Variants in BTNL3 observed in about 807,000 individuals in gnomAD.
The protein encoded by BTNL3 is butyrophilin like 3, also known as butyrophilin-like protein 3.
BTNL3 carries 20 observed loss-of-function variants against 40.1 expected under a neutral mutation model. The observed-to-expected ratio is 0.50, with a 90% CI of 0.35 to 0.72. The LOEUF is 0.72. BTNL3 is among the 30% of genes least tolerant of loss of function. The pLI, the probability that BTNL3 is intolerant of heterozygous loss-of-function variation, is 0.01. For synonymous variants in BTNL3, 179 were observed against 222.1 expected (o/e 0.81, Z 1.73); for missense variants, 449 against 582.2 (o/e 0.77, Z 2.35).
chr5:180,996,775 T>C (rs184718925), intron 2 of BTNL3, among the ~76,000 whole-genome samples: 1 of 136,996 alleles, frequency 7.3e-6, no homozygotes, highest in East Asian at 2.2e-4. Context: ...TGCCTTTCCC[T>C]GACAGTTAAG....
intron 2 of BTNL3, 28 bp from the exon 3 acceptor site, chr5:180,997,185 C>A: frequency 6.8e-7 from 1 of 1,462,974 alleles, no homozygotes; most frequent in Non-Finnish European, 9.4e-7. Flanking sequence ...TTGGTCTTTG[C>A]TTTCATCTTT....
In BTNL3 at chr5:180,988,974, T is replaced by A; in HGVS notation, c.-55T>A. The A allele has an allele frequency of 7.0e-7, 1 of 1,420,376 alleles. No individual in the cohort carries two copies. The highest frequency in any genetic ancestry group is 9.7e-7 in the Non-Finnish European group (1 of 1,036,054). The allele number at this position is 1,420,376 out of a possible 1,614,324, so 88.0% of individuals were successfully genotyped here. On this transcript the variant is annotated 5_prime_UTR_variant, in exon 1 of 8. Coordinates refer to ENST00000342868, the MANE Select transcript of BTNL3 (RefSeq NM_197975.3). ...GCTGGCCTGACCTCCAAATCATCCA[T>A]CCACCCCTGCTGTCATCTGTTTTCA...
chr5:181,005,546 CG>C lies in BTNL3; in HGVS notation c.1078del (p.Asp360MetfsTer3). On this transcript the variant is annotated frameshift_variant, in exon 8 of 8. Transcript: ENST00000342868. LOFTEE classifies it low-confidence loss of function (END_TRUNC). ...TGTAGGGTGGTATGTGGGAGTGTGT[CG>C]GGATGACGTAGACAGGGGGAAGAAC... The part of the protein sequence containing the change: ...QNVGWYVGVC[R>X]DDVDRGKNNV... The C allele has an allele frequency of 6.2e-7, 1 of 1,613,956 alleles. No individual in the cohort carries two copies. Among genetic ancestry groups the C allele is most frequent in the Non-Finnish European group, 8.5e-7 (1 of 1,179,994 alleles).
chr5:181,003,216 A>T (rs1183791013), intron 4 of BTNL3, among the ~76,000 whole-genome samples: 2 of 133,524 alleles, frequency 1.5e-5, no homozygotes, highest in African/African-American at 2.6e-5. Flanking sequence ...AAAATAAAAT[A>T]AAATAATTAG....
rs569939534 is a variant in BTNL3 at position 181,003,804 on chromosome 5, T to A, written c.788-52T>A. The A allele has an allele frequency of 2.9e-4, 476 of 1,614,052 alleles. 2 individuals are homozygous for A. Among genetic ancestry groups the A allele is most frequent in the East Asian group, 5.6e-4 (25 of 44,842 alleles). ...CTGTGCAAGGAGCCAGCGTCGTGTT[T>A]GTACCTTGCACACTCCTGTGTCCAC... On this transcript the variant is annotated intron_variant, in intron 4 of 7. Transcript: ENST00000342868.
In BTNL3 at chr5:180,992,934, G is replaced by C. The variant is rs545788344; in HGVS notation, c.171G>C (p.Arg57Ser). 248 of 1,463,200 alleles carry C rather than the reference G, an allele frequency of 1.7e-4. 64 individuals are homozygous for C. The highest frequency in any genetic ancestry group is 2.8e-6 in the Non-Finnish European group (3 of 1,058,926). 90.6% of individuals were successfully genotyped at this position (1,463,200 alleles called of 1,614,324 possible). Residue 57 changes from arginine (R) to serine (S), a missense_variant, in exon 2 of 8, where the codon AGG (arginine) becomes AGC (serine). Around this residue, in one of 2 missense-constraint regions of BTNL3, gnomAD observed 323 missense variants for 464.9 expected, o/e 0.69. Transcript: ENST00000342868. ...SAEAMEVRFF[R>S]NQFHAVVHLY... ...AGGCTATGGAAGTGCGGTTCTTCAG[G>C]AATCAGTTCCATGCTGTGGTCCACC...
intron 4 of BTNL3, 138 bp downstream of exon 4, chr5:181,002,923 A>T: frequency 9.3e-7 from 1 of 1,080,214 alleles, no homozygotes; most frequent in Non-Finnish European, 1.3e-6. Context: ...GGCACAGGGA[A>T]CCCAGTCTTC....
intron 3 of BTNL3, among the ~76,000 whole-genome samples, chr5:181,002,345 GACACAC>G (rs35453084): frequency 1.2e-5 from 1 of 81,646 alleles, no homozygotes; most frequent in African/African-American, 3.8e-5. Context: ...ATTAGACATA[GACACAC>G]ACACACACAC....
chr5:181,005,782 T>G lies in BTNL3; in HGVS notation c.1311T>G (p.Phe437Leu), dbSNP rs1194570009. 1 of 1,614,132 alleles carries G rather than the reference T, an allele frequency of 6.2e-7. No homozygotes were observed. Among genetic ancestry groups the G allele is most frequent in the East Asian group, 2.2e-5 (1 of 44,880 alleles). ...TTTATACCCTGCTGACATGTCAGTTTGAAGGCTTGTTGAGACCCTATATCC... is the reference window on the plus strand; with the variant it reads ...TTTATACCCTGCTGACATGTCAGTTGGAAGGCTTGTTGAGACCCTATATCC... ...SLIYTLLTCQ[F>L]EGLLRPYIQH... is the part of the protein sequence containing the mutation. Residue 437 changes from phenylalanine (F) to leucine (L), a missense_variant, in exon 8 of 8, where the codon TTT (phenylalanine) becomes TTG (leucine). Phe to Leu is a conservative substitution (Grantham distance 22, BLOSUM62 0). Coordinates refer to ENST00000342868, the MANE Select transcript of BTNL3 (RefSeq NM_197975.3).
intron 2 of BTNL3, 35 bp from the exon 3 acceptor site, chr5:180,997,178 G>A: frequency 6.8e-7 from 1 of 1,462,538 alleles, no homozygotes; most frequent in African/African-American, 1.4e-5. Flanking sequence ...TTGAAATTTG[G>A]TCTTTGCTTT....
chr5:180,992,978 A>G lies in BTNL3; in HGVS notation c.215A>G (p.Asp72Gly), dbSNP rs767609291. Residue 72 changes from aspartate to glycine, a missense_variant, in exon 2 of 8, where the codon GAC becomes GGC. This residue lies in a region of BTNL3 where 323 missense variants were observed against 464.9 expected (regional missense o/e 0.69). Coordinates refer to ENST00000342868, the MANE Select transcript of BTNL3 (RefSeq NM_197975.3). Reference protein sequence around the residue: ...AVVHLYRDGEDWESKQMPQYR... With the variant: ...AVVHLYRDGEGWESKQMPQYR... ...GTCCACCTCTACAGAGATGGGGAAG[A>G]CTGGGAATCTAAGCAGATGCCACAG... 1 of 1,462,094 alleles carries G rather than the reference A, an allele frequency of 6.8e-7. No individual in the cohort carries two copies. Among genetic ancestry groups the G allele is most frequent in the South Asian group, 1.1e-5 (1 of 89,168 alleles). 90.6% of individuals were successfully genotyped at this position (1,462,094 alleles called of 1,614,324 possible). A position where few individuals can be genotyped will look rare whatever the true frequency, so the allele number is the denominator to read the frequency against.
At chr5:181,004,829 C>G in intron 7 of BTNL3, 67 bp downstream of exon 7, 1 of 1,613,820 alleles carries the variant, frequency 6.2e-7, no homozygotes, top group Non-Finnish European at 8.5e-7. Context: ...GATATGGAGC[C>G]CATCCAGCTT....
chr5:180,993,693 A>G (rs974424271), intron 2 of BTNL3, among the ~76,000 whole-genome samples: 1 of 137,460 alleles, frequency 7.3e-6, no homozygotes, highest in South Asian at 2.1e-4. Flanking sequence ...AAACTCCACA[A>G]TTTAAAAATA....
intron 3 of BTNL3, among the ~76,000 whole-genome samples, chr5:180,999,852 T>C (rs1423814720): frequency 7.3e-6 from 1 of 136,172 alleles, no homozygotes; most frequent in Admixed American, 7.8e-5. Flanking sequence ...GAAGGAAAGA[T>C]AGACTACCTG....
intron 7 of BTNL3, 110 bp downstream of exon 7, chr5:181,004,872 C>T (rs1187447799): frequency 3.8e-6 from 6 of 1,597,732 alleles, no homozygotes; most frequent in Non-Finnish European, 4.3e-6. Context: ...CCGAATCCAC[C>T]CCAGGGTGCA....
chr5:180,988,969 A>T lies in BTNL3; in HGVS notation c.-60A>T. 7.1e-7 allele frequency: 1 copy of T among 1,413,652 alleles called. No homozygotes were observed. Among genetic ancestry groups the T allele is most frequent in the Non-Finnish European group, 9.7e-7 (1 of 1,032,610 alleles). 87.6% of individuals were successfully genotyped at this position (1,413,652 alleles called of 1,614,324 possible). On this transcript the variant is annotated 5_prime_UTR_variant, in exon 1 of 8. Transcript: ENST00000342868. ...AGACAGCTGGCCTGACCTCCAAATC[A>T]TCCATCCACCCCTGCTGTCATCTGT...
At position 180,992,966 on chromosome 5, in the gene BTNL3, G is replaced by C. The variant is rs1405616362; in HGVS notation, c.203G>C (p.Arg68Thr). The change falls in exon 2 of 8, where the codon AGA becomes ACA. Residue 68 changes from arginine (R) to threonine (T), a missense_variant. Around this residue, in one of 2 missense-constraint regions of BTNL3, gnomAD observed 323 missense variants for 464.9 expected, o/e 0.69. Coordinates refer to ENST00000342868, the MANE Select transcript of BTNL3 (RefSeq NM_197975.3). ...TTCCATGCTGTGGTCCACCTCTACA[G>C]AGATGGGGAAGACTGGGAATCTAAG... ...NQFHAVVHLY[R>T]DGEDWESKQM... The C allele has an allele frequency of 6.8e-7, 1 of 1,462,734 alleles. No individual in the cohort carries two copies. Among genetic ancestry groups the C allele is most frequent in the South Asian group, 1.1e-5 (1 of 89,214 alleles). 90.6% of individuals were successfully genotyped at this position (1,462,734 alleles called of 1,614,324 possible).
chr5:181,001,705 C>T (rs1350570824), intron 3 of BTNL3, among the ~76,000 whole-genome samples: 1 of 133,502 alleles, frequency 7.5e-6, no homozygotes, highest in African/African-American at 2.6e-5. Flanking sequence ...ATTAGCTAGG[C>T]GTGGTGGCGG....
At chr5:181,004,214 G>A (rs1037132168) in intron 5 of BTNL3, among the ~76,000 whole-genome samples, 4 of 150,220 alleles carry the variant, frequency 2.7e-5, no homozygotes, top group East Asian at 2.0e-4. Flanking sequence ...GGTGATCCTC[G>A]ACCTCCCCTG....
Sources: gnomAD v4.1 joint callset for allele counts (sites outside exome capture counted in the v4.1 genomes callset) on GRCh38, gnomAD v4.1.1 for gene constraint, gnomAD v4.1.1 regional missense constraint, MANE v1.5 for transcripts, NCBI Gene and HGNC (gene_info 2026-07-23, HGNC 2026-07-21) for gene names.